PTPRD: variants seen among roughly 807,000 people sequenced by gnomAD.
The protein encoded by PTPRD is protein tyrosine phosphatase receptor type D.
A neutral mutation model predicts 214.5 loss-of-function variants in PTPRD; 34 were observed. That is an observed-to-expected ratio of 0.16 (90% CI 0.12 to 0.21). The LOEUF (loss-of-function observed/expected upper bound fraction) is 0.21, where lower values mean the gene tolerates loss of function less well. Ranked by LOEUF, PTPRD falls within the 10% of genes least tolerant of loss-of-function variation. The pLI is 1.00. For missense variants in PTPRD, 2,545 were observed against 2,398.7 expected (o/e 1.06, Z -1.27); for synonymous variants, 1,128 against 845.7 (o/e 1.33, Z -5.79).
chr9:9,149,805 C>A lies in PTPRD; in HGVS notation c.-143+33499G>T, dbSNP rs368405088. 8.5e-5 allele frequency among the ~76,000 whole-genome samples: 13 copies of A among 152,306 alleles called. No individual in the cohort carries two copies. The East Asian group carries it at 1.9e-3, about 23-fold the overall frequency. On this transcript the variant is annotated intron_variant, in intron 10 of 45. Transcript: ENST00000381196. ...GGGGTGACAGGCATTTGGATGCTGG[C>A]AGCTGCCTGGCTGTACTGTTCCTTC...
At chr9:10,041,439 C>G (rs2097295368) in intron 3 of PTPRD, among the ~76,000 whole-genome samples, 1 of 151,818 alleles carries the variant, frequency 6.6e-6, no homozygotes. Flanking sequence ...AGGTCAATAA[C>G]CCACTTTTTA....
At chr9:9,916,831 A>T (rs955795702) in intron 5 of PTPRD, among the ~76,000 whole-genome samples, 1 of 152,052 alleles carries the variant, frequency 6.6e-6, no homozygotes, top group Non-Finnish European at 1.5e-5. Flanking sequence ...TTAGGACACC[A>T]AACAAGTTTA....
chr9:8,968,626 C>T (rs1044122119), intron 11 of PTPRD, among the ~76,000 whole-genome samples: 2 of 152,062 alleles, frequency 1.3e-5, no homozygotes, highest in African/African-American at 4.8e-5. Flanking sequence ...CCCCATTTTA[C>T]ACACAAAGGA....
At chr9:8,902,856 G>T (rs150136438) in intron 11 of PTPRD, among the ~76,000 whole-genome samples, 1 of 152,102 alleles carries the variant, frequency 6.6e-6, no homozygotes, top group African/African-American at 2.4e-5. Flanking sequence ...ATCATCATTC[G>T]AAGGTAATCA....
chr9:10,264,682 T>A (rs1297839475), intron 3 of PTPRD, among the ~76,000 whole-genome samples: 2 of 152,114 alleles, frequency 1.3e-5, no homozygotes, highest in South Asian at 4.1e-4. Flanking sequence ...GTTGAGTTAA[T>A]GCCGAAATTA....
intron 14 of PTPRD, among the ~76,000 whole-genome samples, chr9:8,580,779 T>TAC (rs1404647406): frequency 4.6e-5 from 7 of 151,820 alleles, no homozygotes; most frequent in African/African-American, 1.2e-4. Context: ...CACGCACACA[T>TAC]ACACACACAC....
chr9:9,024,849 G>A (rs1372057164), intron 10 of PTPRD, among the ~76,000 whole-genome samples: 1 of 151,684 alleles, frequency 6.6e-6, no homozygotes, highest in African/African-American at 2.4e-5. Flanking sequence ...GACCAATAAT[G>A]AGTTTAACAT....
intron 11 of PTPRD, among the ~76,000 whole-genome samples, chr9:8,819,902 C>T (rs1435345078): frequency 1.3e-5 from 2 of 152,084 alleles, no homozygotes; most frequent in African/African-American, 4.8e-5. Flanking sequence ...TCCTTGTCCA[C>T]ACAATCATAT....
chr9:9,050,561 T>C (rs967804038), intron 10 of PTPRD, among the ~76,000 whole-genome samples: 2 of 152,144 alleles, frequency 1.3e-5, no homozygotes, highest in African/African-American at 4.8e-5. Context: ...TTTGAACATA[T>C]TAAATGAAAA....
intron 3 of PTPRD, among the ~76,000 whole-genome samples, chr9:10,256,236 TA>T (rs1408711687): frequency 1.3e-5 from 2 of 152,186 alleles, no homozygotes; most frequent in Non-Finnish European, 2.9e-5. Flanking sequence ...GCTGCTGGCC[TA>T]GACCTCTACA....
intron 6 of PTPRD, among the ~76,000 whole-genome samples, chr9:9,750,971 T>C (rs1045652516): frequency 2.6e-5 from 4 of 152,082 alleles, no homozygotes; most frequent in African/African-American, 9.7e-5. Flanking sequence ...CATTAAATCA[T>C]CACTGGAGAA....
At chr9:9,975,817 C>CT (rs1164042779) in intron 4 of PTPRD, among the ~76,000 whole-genome samples, 1 of 152,130 alleles carries the variant, frequency 6.6e-6, no homozygotes, top group Non-Finnish European at 1.5e-5. Context: ...CTTGTTAGGC[C>CT]TAAACTTCAG....
intron 10 of PTPRD, among the ~76,000 whole-genome samples, chr9:9,070,367 A>G (rs773134425): frequency 6.6e-6 from 1 of 152,224 alleles, no homozygotes; most frequent in African/African-American, 2.4e-5. Context: ...AAAAACAGTT[A>G]TAATAAATTA....
chr9:9,918,751 A>G, intron 5 of PTPRD, among the ~76,000 whole-genome samples: 1 of 152,154 alleles, frequency 6.6e-6, no homozygotes, highest in East Asian at 1.9e-4. Flanking sequence ...TAATCCACGT[A>G]TCTATAGCCA....
At chr9:8,408,379 G>T (rs1203969717) in intron 35 of PTPRD, among the ~76,000 whole-genome samples, 1 of 152,014 alleles carries the variant, frequency 6.6e-6, no homozygotes, top group Non-Finnish European at 1.5e-5. Context: ...TCCTAGATAT[G>T]TCTACTCAAC....
chr9:8,509,584 T>G (rs923261775), intron 21 of PTPRD, among the ~76,000 whole-genome samples: 4 of 152,234 alleles, frequency 2.6e-5, no homozygotes, highest in Non-Finnish European at 5.9e-5. Flanking sequence ...GTTACGCATT[T>G]CTTCCCTGCC....
At chr9:10,570,865 A>G (rs1452233384) in intron 2 of PTPRD, among the ~76,000 whole-genome samples, 2 of 151,612 alleles carry the variant, frequency 1.3e-5, no homozygotes, top group Non-Finnish European at 2.9e-5. Flanking sequence ...TCCCAGTTGC[A>G]AACAAGGTGA....
chr9:10,403,110 G>A (rs1425794844), intron 2 of PTPRD, among the ~76,000 whole-genome samples: 1 of 150,620 alleles, frequency 6.6e-6, no homozygotes, highest in Non-Finnish European at 1.5e-5. Flanking sequence ...AGAAATAAAG[G>A]TGCAGTTAAA....
intron 4 of PTPRD, among the ~76,000 whole-genome samples, chr9:9,985,459 C>G (rs1405148647): frequency 2.0e-5 from 3 of 151,978 alleles, no homozygotes; most frequent in Non-Finnish European, 4.4e-5. Flanking sequence ...CATGCTGGGG[C>G]CATGCCATAT....
Sources: gnomAD v4.1 joint callset for allele counts (sites outside exome capture counted in the v4.1 genomes callset) on GRCh38, gnomAD v4.1.1 for gene constraint, MANE v1.5 for transcripts, NCBI Gene and HGNC (gene_info 2026-07-23, HGNC 2026-07-21) for gene names.